FHIT: variants seen among roughly 807,000 people sequenced by gnomAD.
The protein encoded by FHIT is fragile histidine triad diadenosine triphosphatase.
FHIT carries 19 observed loss-of-function variants against 17.9 expected under a neutral mutation model. That is an observed-to-expected ratio of 1.06 (90% confidence interval 0.74 to 1.56). The LOEUF is 1.56. FHIT is among the 40% of genes most tolerant of loss of function. The pLI is 0.00. For synonymous variants in FHIT, 81 were observed against 69.7 expected (o/e 1.16, Z -0.81); for missense variants, 248 against 189.2 (o/e 1.31, Z -1.82).
intron 5 of FHIT, among the ~76,000 whole-genome samples, chr3:60,091,375 C>T (rs1051705592): frequency 2.0e-5 from 3 of 152,162 alleles, no homozygotes; most frequent in Admixed American, 6.5e-5. Flanking sequence ...AGCGAAATGT[C>T]GCTGTTCAGG....
chr3:60,022,274 G>A (rs1700580519), intron 5 of FHIT, among the ~76,000 whole-genome samples: 1 of 152,224 alleles, frequency 6.6e-6, no homozygotes, highest in Non-Finnish European at 1.5e-5. Flanking sequence ...ATGCTGAGAA[G>A]TTGAGCATTA....
chr3:60,132,834 T>G lies in FHIT; in HGVS notation c.104-118682A>C, dbSNP rs537176172. On this transcript the variant is annotated intron_variant, in intron 5 of 9. Coordinates refer to ENST00000492590, the MANE Select transcript of FHIT (RefSeq NM_002012.4). Reference sequence around the variant, plus strand: ...ACCATAATATAGTAGAAAACTTTTTTAAAATCAAAATTCCTGTTGCTAAAC... The same window carrying G: ...ACCATAATATAGTAGAAAACTTTTTGAAAATCAAAATTCCTGTTGCTAAAC... Among the ~76,000 whole-genome samples the G allele has an allele frequency of 2.3e-4, 35 of 152,286 alleles. No homozygotes were observed. The South Asian group carries it at 6.2e-3, about 27-fold the overall frequency.
chr3:59,792,154 A>G (rs928368211), intron 8 of FHIT, among the ~76,000 whole-genome samples: 8 of 152,184 alleles, frequency 5.3e-5, no homozygotes, highest in African/African-American at 1.2e-4. Flanking sequence ...TAAATTGTTC[A>G]TAAGTCCCTT....
chr3:60,376,148 T>C (rs1700550535), intron 5 of FHIT, among the ~76,000 whole-genome samples: 2 of 152,156 alleles, frequency 1.3e-5, no homozygotes, highest in Non-Finnish European at 2.9e-5. Context: ...TTAATGTCCA[T>C]CTTTCCCACT....
chr3:60,677,066 G>A (rs2040637231), intron 4 of FHIT, among the ~76,000 whole-genome samples: 1 of 152,020 alleles, frequency 6.6e-6, no homozygotes, highest in Non-Finnish European at 1.5e-5. Context: ...TGGTAGAGGT[G>A]GTGTTTTGCC....
intron 5 of FHIT, among the ~76,000 whole-genome samples, chr3:60,522,731 C>T (rs1366475067): frequency 6.6e-6 from 1 of 152,162 alleles, no homozygotes; most frequent in East Asian, 1.9e-4. Context: ...CAGAAAATCG[C>T]CTGATCTCTG....
At chr3:60,067,363 CAT>C (rs1284175177) in intron 5 of FHIT, among the ~76,000 whole-genome samples, 1 of 152,084 alleles carries the variant, frequency 6.6e-6, no homozygotes, top group Non-Finnish European at 1.5e-5. Context: ...AATAAGCACA[CAT>C]ACACAGCAGA....
At chr3:60,643,717 T>G (rs1394138784) in intron 4 of FHIT, among the ~76,000 whole-genome samples, 1 of 152,234 alleles carries the variant, frequency 6.6e-6, no homozygotes, top group African/African-American at 2.4e-5. Flanking sequence ...CTCAATTATT[T>G]ATACTCCTTC....
chr3:60,426,682 C>T (rs1239957881), intron 5 of FHIT, among the ~76,000 whole-genome samples: 1 of 152,134 alleles, frequency 6.6e-6, no homozygotes, highest in Non-Finnish European at 1.5e-5. Context: ...ACAAATTATT[C>T]ACCGTTTGAT....
intron 4 of FHIT, among the ~76,000 whole-genome samples, chr3:60,726,529 G>A (rs11923145): frequency 0.063 from 9,530 of 152,200 alleles, 469 homozygotes; most frequent in African/African-American, 0.13. Context: ...TCAGTTTTCA[G>A]TGGAGAAAAT....
intron 5 of FHIT, among the ~76,000 whole-genome samples, chr3:60,437,032 C>T (rs2030327612): frequency 6.6e-6 from 1 of 152,036 alleles, no homozygotes; most frequent in Admixed American, 6.6e-5. Context: ...TTGTACTTTC[C>T]TATTTGATTT....
At chr3:60,014,300 G>A (rs1700258019) in intron 5 of FHIT, 148 bp from the exon 6 acceptor site, 2 of 697,244 alleles carry the variant, frequency 2.9e-6, no homozygotes, top group Middle Eastern at 4.1e-4. Context: ...ACCATCCACT[G>A]AACTCCAGAG....
intron 5 of FHIT, among the ~76,000 whole-genome samples, chr3:60,521,323 C>T (rs1047999336): frequency 1.3e-5 from 2 of 152,094 alleles, no homozygotes; most frequent in Non-Finnish European, 2.9e-5. Flanking sequence ...TCTCGGCTCA[C>T]TGCAAGCTCC....
intron 5 of FHIT, among the ~76,000 whole-genome samples, chr3:60,089,021 G>A (rs1453965866): frequency 6.6e-6 from 1 of 152,172 alleles, no homozygotes; most frequent in Non-Finnish European, 1.5e-5. Flanking sequence ...GGAAGCTGGG[G>A]CTTACAGAAA....
At chr3:60,598,116 T>C (rs1479438010) in intron 4 of FHIT, among the ~76,000 whole-genome samples, 1 of 152,136 alleles carries the variant, frequency 6.6e-6, no homozygotes, top group Non-Finnish European at 1.5e-5. Context: ...CGAAGTTAGA[T>C]AGCAGCAATT....
At chr3:60,482,263 C>A (rs182691358) in intron 5 of FHIT, among the ~76,000 whole-genome samples, 1 of 152,060 alleles carries the variant, frequency 6.6e-6, no homozygotes, top group Non-Finnish European at 1.5e-5. Flanking sequence ...ATTAGATCAA[C>A]AAGACAGAAA....
At chr3:61,142,093 T>C (rs898442296) in intron 2 of FHIT, among the ~76,000 whole-genome samples, 3 of 150,772 alleles carry the variant, frequency 2.0e-5, no homozygotes, top group Non-Finnish European at 3.0e-5. Flanking sequence ...CATGGAGATA[T>C]TATCTTAAAA....
chr3:60,745,934 A>T (rs1379254670), intron 4 of FHIT, among the ~76,000 whole-genome samples: 2 of 152,210 alleles, frequency 1.3e-5, no homozygotes, highest in African/African-American at 4.8e-5. Flanking sequence ...CAAATTCTGC[A>T]TAAGACTCCA....
intron 4 of FHIT, among the ~76,000 whole-genome samples, chr3:60,541,608 G>A (rs1030499665): frequency 6.6e-6 from 1 of 152,208 alleles, no homozygotes; most frequent in African/African-American, 2.4e-5. Flanking sequence ...TCAAAGGCAA[G>A]GACATCCTTC....
Sources: gnomAD v4.1 joint callset for allele counts (sites outside exome capture counted in the v4.1 genomes callset) on GRCh38, gnomAD v4.1.1 for gene constraint, MANE v1.5 for transcripts, NCBI Gene and HGNC (gene_info 2026-07-23, HGNC 2026-07-21) for gene names.